Variants in PDXDC1 observed in about 807,000 individuals in gnomAD.
PDXDC1 encodes pyridoxal-dependent decarboxylase domain-containing protein 1.
PDXDC1 carries 42 observed loss-of-function variants against 100.1 expected under a neutral mutation model. The ratio of observed to expected loss-of-function variants is 0.42; its 90% confidence interval spans 0.33 to 0.54. PDXDC1 has a LOEUF of 0.54. Ranked by LOEUF, PDXDC1 falls within the 20% of genes least tolerant of loss-of-function variation. The pLI, the probability that PDXDC1 is intolerant of heterozygous loss-of-function variation, is 0.10. For synonymous variants in PDXDC1, 260 were observed against 371.7 expected, an observed-to-expected ratio of 0.70 and a Z score of 3.46; for missense variants, 636 against 979.2, an observed-to-expected ratio of 0.65 and a Z score of 4.68.
downstream of PDXDC1, among the ~76,000 whole-genome samples, chr16:15,039,357 G>T (rs1391937392): frequency 1.3e-5 from 2 of 152,170 alleles, no homozygotes; most frequent in Non-Finnish European, 2.9e-5. Context: ...TAAATGAGAA[G>T]ATTTCTTTGG....
At chr16:15,041,071 T>C (rs781324414), downstream of PDXDC1, 3 of 1,596,870 alleles carry the variant, frequency 1.9e-6, no homozygotes, top group South Asian at 3.3e-5. Flanking sequence ...TACTTACCAA[T>C]GCCATATATT....
intron 3 of PDXDC1, among the ~76,000 whole-genome samples, chr16:15,000,721 G>A (rs1972959142): frequency 6.6e-6 from 1 of 152,248 alleles, no homozygotes; most frequent in African/African-American, 2.4e-5. Flanking sequence ...TATACTCTAA[G>A]CAGATCTCAA....
chr16:15,076,709 T>C (rs2045471817), intron 16 of PDXDC1: 1 of 1,250,668 alleles, frequency 8.0e-7, no homozygotes, highest in South Asian at 1.2e-5. Flanking sequence ...ACTATGTTAT[T>C]TTGGGATGGA....
chr16:15,005,021 G>A (rs1973954035), intron 5 of PDXDC1, among the ~76,000 whole-genome samples: 1 of 152,262 alleles, frequency 6.6e-6, no homozygotes, highest in African/African-American at 2.4e-5. Flanking sequence ...AGGTTCAGAG[G>A]GCCAGCTGTG....
chr16:15,025,591 T>G (rs1012355496), intron 13 of PDXDC1: 2 of 152,516 alleles, frequency 1.3e-5, no homozygotes, highest in Non-Finnish European at 2.9e-5. Flanking sequence ...CTTTGAAAAG[T>G]TAGTAGAAAA....
At chr16:15,030,488 G>T (rs2042977953) in intron 16 of PDXDC1, among the ~76,000 whole-genome samples, 1 of 142,610 alleles carries the variant, frequency 7.0e-6, no homozygotes, top group Admixed American at 7.3e-5. Flanking sequence ...CGAGGTTGCA[G>T]TGAGCTGAGA....
At chr16:15,061,897 C>T in intron 16 of PDXDC1, 1 of 1,611,172 alleles carries the variant, frequency 6.2e-7, no homozygotes, top group Non-Finnish European at 8.5e-7. Flanking sequence ...CTTCATCTTC[C>T]ACTATGTCCT....
At chr16:15,050,822 A>G (rs951069149) in intron 16 of PDXDC1, among the ~76,000 whole-genome samples, 23 of 152,228 alleles carry the variant, frequency 1.5e-4, no homozygotes, top group African/African-American at 5.5e-4. Flanking sequence ...TCTTCTGTTT[A>G]TAAACTTCCA....
chr16:15,141,541 C>T (rs1234098764), downstream of PDXDC1, among the ~76,000 whole-genome samples: 1 of 152,174 alleles, frequency 6.6e-6, no homozygotes, highest in Non-Finnish European at 1.5e-5. Flanking sequence ...TATGCCTGTG[C>T]CCTGGGCTCC....
At chr16:15,087,242 T>C (rs1221280481) in intron 16 of PDXDC1, among the ~76,000 whole-genome samples, 1 of 152,186 alleles carries the variant, frequency 6.6e-6, no homozygotes, top group Non-Finnish European at 1.5e-5. Flanking sequence ...TATGGAGTTA[T>C]CATTTAGTGA....
chr16:15,117,435 G>C (rs1231776218), intron 16 of PDXDC1, among the ~76,000 whole-genome samples: 2 of 148,644 alleles, frequency 1.3e-5, no homozygotes, highest in Non-Finnish European at 3.0e-5. Flanking sequence ...GAGGCAGGCG[G>C]ATCACGAGGT....
chr16:15,094,183 C>G (rs138391775), intron 16 of PDXDC1: 17 of 1,601,758 alleles, frequency 1.1e-5, no homozygotes, highest in African/African-American at 8.0e-5. Flanking sequence ...CTGCAGAGGA[C>G]GAAGCGGCCG....
intron 16 of PDXDC1, among the ~76,000 whole-genome samples, chr16:15,062,594 A>G (rs2044757956): frequency 6.6e-6 from 1 of 152,208 alleles, no homozygotes; most frequent in Non-Finnish European, 1.5e-5. Flanking sequence ...CTGCGTCTTC[A>G]CCACCCATTC....
intron 16 of PDXDC1, chr16:15,061,609 T>C: frequency 1.4e-6 from 1 of 715,258 alleles, no homozygotes; most frequent in Non-Finnish European, 2.3e-6. Context: ...CAGTCGAACC[T>C]GGAAGTGCCA....
intron 16 of PDXDC1, chr16:15,104,830 T>G: frequency 6.6e-7 from 1 of 1,512,112 alleles, no homozygotes; most frequent in Non-Finnish European, 8.8e-7. Flanking sequence ...ACCAACACAG[T>G]CTGCACCTTC....
At chr16:15,007,210 GC>G (rs1398125422) in intron 6 of PDXDC1, among the ~76,000 whole-genome samples, 1 of 114,978 alleles carries the variant, frequency 8.7e-6, no homozygotes, top group Non-Finnish European at 1.6e-5. Context: ...TTGCTCTGTC[GC>G]CCAGGCCGGA....
At chr16:15,090,273 T>C (rs541744676) in intron 16 of PDXDC1, among the ~76,000 whole-genome samples, 76 of 152,056 alleles carry the variant, frequency 5.0e-4, no homozygotes, top group Non-Finnish European at 1.0e-3. Context: ...TCAGGGTAAT[T>C]ACTACAGTGA....
chr16:15,125,349 G>C (rs1210960493), intron 16 of PDXDC1: 2 of 728,328 alleles, frequency 2.7e-6, no homozygotes, highest in Non-Finnish European at 4.7e-6. Context: ...GGGTCAGCAA[G>C]GTACCAGGGG....
At chr16:15,144,674 G>A in the PDXDC1 span, among the ~76,000 whole-genome samples, 8 of 152,200 alleles carry the variant, frequency 5.3e-5, no homozygotes. Context: ...GAGACGCCGG[G>A]GGTGACATGG....
Sources: allele counts gnomAD v4.1 joint callset (sites outside exome capture counted in the v4.1 genomes callset), GRCh38; gene constraint gnomAD v4.1.1; transcripts MANE v1.5; gene names NCBI Gene and HGNC (gene_info 2026-07-23, HGNC 2026-07-21).